The following GALNT1 variants were observed in gnomAD, a reference collection of about 807,000 sequenced individuals.
The protein encoded by GALNT1 is polypeptide N-acetylgalactosaminyltransferase 1, also known as GalNAc transferase 1.
Under a neutral mutation model 65.7 loss-of-function variants are expected in GALNT1, and 17 were observed. That is an observed-to-expected ratio of 0.26 (90% confidence interval 0.18 to 0.39). GALNT1 has a LOEUF of 0.39. Ranked by LOEUF, GALNT1 falls within the 10% of genes least tolerant of loss-of-function variation. GALNT1 has a pLI of 1.00. For synonymous variants in GALNT1, 210 were observed against 219.7 expected (o/e 0.96, Z 0.39); for missense variants, 460 against 672.8 (o/e 0.68, Z 3.50).
intron 11 of GALNT1, among the ~76,000 whole-genome samples, chr18:35,705,058 C>A (rs544196579): frequency 6.6e-6 from 1 of 152,286 alleles, no homozygotes; most frequent in African/African-American, 2.4e-5. Flanking sequence ...TCTCCTTCTT[C>A]GTCCTACTCC....
chr18:35,586,218 CAT>C (rs746188614), intron 1 of GALNT1, among the ~76,000 whole-genome samples: 28 of 152,252 alleles, frequency 1.8e-4, no homozygotes, highest in Non-Finnish European at 3.4e-4. Flanking sequence ...GAACACTTCT[CAT>C]GTGCTTATTT....
At chr18:35,671,080 G>T (rs2047627810) in intron 3 of GALNT1, among the ~76,000 whole-genome samples, 1 of 152,064 alleles carries the variant, frequency 6.6e-6, no homozygotes, top group Non-Finnish European at 1.5e-5. Context: ...TTTGTTTTAG[G>T]TGTATTTGTA....
intron 9 of GALNT1, among the ~76,000 whole-genome samples, chr18:35,702,115 C>A (rs1037219159): frequency 6.6e-6 from 1 of 152,132 alleles, no homozygotes; most frequent in Admixed American, 6.6e-5. Context: ...AATATGCAGA[C>A]TGTATATGTG....
intron 3 of GALNT1, among the ~76,000 whole-genome samples, chr18:35,668,071 A>G (rs1257494289): frequency 6.6e-6 from 1 of 152,214 alleles, no homozygotes; most frequent in Non-Finnish European, 1.5e-5. Flanking sequence ...AGGTGATAAT[A>G]TATACCTTTA....
chr18:35,677,444 C>A, intron 3 of GALNT1, 147 bp from the exon 4 acceptor site: 1 of 479,214 alleles, frequency 2.1e-6, no homozygotes, highest in Non-Finnish European at 3.7e-6. Flanking sequence ...AAACACATAA[C>A]ATTAACCAAG....
intron 8 of GALNT1, 147 bp from the exon 9 acceptor site, chr18:35,692,034 T>C (rs1568033954): frequency 5.0e-6 from 3 of 600,386 alleles, no homozygotes; most frequent in Non-Finnish European, 8.6e-6. Flanking sequence ...ATACTTTTGG[T>C]GGATTCATGG....
intron 1 of GALNT1, among the ~76,000 whole-genome samples, chr18:35,644,318 A>G (rs540347217): frequency 4.7e-4 from 71 of 152,322 alleles, no homozygotes; most frequent in African/African-American, 1.7e-3. Context: ...TTCTTTGGCT[A>G]TCGAATAAGG....
chr18:35,688,666 C>T (rs2047907687), intron 6 of GALNT1, among the ~76,000 whole-genome samples: 1 of 152,204 alleles, frequency 6.6e-6, no homozygotes, highest in East Asian at 1.9e-4. Flanking sequence ...AGGAAAAGAC[C>T]TCACTGTTTC....
intron 8 of GALNT1, among the ~76,000 whole-genome samples, chr18:35,691,599 C>T (rs886730314): frequency 1.4e-4 from 21 of 152,206 alleles, no homozygotes; most frequent in African/African-American, 2.6e-4. Context: ...GGGTCATGAA[C>T]GTTCTCTATA....
intron 1 of GALNT1, among the ~76,000 whole-genome samples, chr18:35,592,260 A>C (rs1366597096): frequency 6.6e-6 from 1 of 152,226 alleles, no homozygotes; most frequent in African/African-American, 2.4e-5. Flanking sequence ...ATGGGAACTA[A>C]ACAGACATAG....
At chr18:35,636,593 G>T (rs559410624) in intron 1 of GALNT1, among the ~76,000 whole-genome samples, 3 of 152,046 alleles carry the variant, frequency 2.0e-5, no homozygotes, top group Admixed American at 6.6e-5. Context: ...TCTTAGATTG[G>T]TGTTTAACAG....
rs143161206 is a variant in GALNT1, at chr18:35,629,198, A to T, written c.-103-25362A>T. ...CCAAGCAAGGCAGGCCAACATTCAG[A>T]TTCAGGAAATACAGAGAACGCCACA... On this transcript the variant is annotated intron_variant, in intron 1 of 11. Coordinates refer to ENST00000269195, the MANE Select transcript of GALNT1 (RefSeq NM_020474.4). Among the ~76,000 whole-genome samples the T allele has an allele frequency of 6.4e-3, 972 of 152,312 alleles. 19 individuals are homozygous for T. Among genetic ancestry groups the T allele is most frequent in the African/African-American group, 0.022 (923 of 41,560 alleles).
At chr18:35,692,409 A>G in intron 9 of GALNT1, 89 bp downstream of exon 9, 1 of 780,234 alleles carries the variant, frequency 1.3e-6, no homozygotes, top group Non-Finnish European at 1.8e-6. Context: ...AACTTCCAAT[A>G]AGGAAAGTAC....
intron 2 of GALNT1, among the ~76,000 whole-genome samples, chr18:35,661,706 C>T (rs2047479881): frequency 6.6e-6 from 1 of 152,054 alleles, no homozygotes; most frequent in South Asian, 2.1e-4. Flanking sequence ...TTTAATGGTG[C>T]ATGCCATGTC....
rs551558783 is a variant in GALNT1, at chr18:35,631,865, T to G, written c.-103-22695T>G. Among the ~76,000 whole-genome samples, 588 of 152,172 alleles carry G rather than the reference T, an allele frequency of 3.9e-3. 6 individuals carry two copies. The highest frequency in any genetic ancestry group is 0.013 in the African/African-American group (554 of 41,530). ...ATAGGCAACTTCAGCAAAGTCTCAG[T>G]ATACAAAATCAATGTGCAAAAATCA... On this transcript the variant is annotated intron_variant, in intron 1 of 11. Transcript: ENST00000269195.
In GALNT1 at chr18:35,710,294, T is replaced by A. The variant is rs1415257972; in HGVS notation, c.*524T>A. On this transcript the variant is annotated 3_prime_UTR_variant, in exon 12 of 12. Coordinates refer to ENST00000269195, the MANE Select transcript of GALNT1 (RefSeq NM_020474.4). ...AACAAAAAAACTATATTAAACAGGG[T>A]TTAAAGGAAATTAAAACAGAACTAT... 1 of 152,976 alleles carries A rather than the reference T, an allele frequency of 6.5e-6. No individual in the cohort carries two copies. Among genetic ancestry groups the A allele is most frequent in the Non-Finnish European group, 1.5e-5 (1 of 68,340 alleles). The allele number at this position is 152,976 out of a possible 1,614,324, so 9.5% of individuals were successfully genotyped here. A position where few individuals can be genotyped will look rare whatever the true frequency, so the allele number is the denominator to read the frequency against.
At chr18:35,607,238 G>A (rs562257478) in intron 1 of GALNT1, among the ~76,000 whole-genome samples, 3 of 152,222 alleles carry the variant, frequency 2.0e-5, no homozygotes, top group Middle Eastern at 3.4e-3. Context: ...GGAAGTGAGG[G>A]TGGAGAAAAA....
In GALNT1 at chr18:35,628,304, G is replaced by A. The variant is rs376733574; in HGVS notation, c.-103-26256G>A. On this transcript the variant is annotated intron_variant, in intron 1 of 11. Coordinates refer to ENST00000269195, the MANE Select transcript of GALNT1 (RefSeq NM_020474.4). ...TCCCTGAACCCCAAGTAGCCTAACTGGGAGGCACCCCCCAGTAGGGGCAGA... is the reference window on the plus strand; with the variant it reads ...TCCCTGAACCCCAAGTAGCCTAACTAGGAGGCACCCCCCAGTAGGGGCAGA... 7.2e-5 allele frequency among the ~76,000 whole-genome samples: 11 copies of A among 152,320 alleles called. No individual in the cohort carries two copies. In the East Asian group the frequency reaches 1.9e-3, roughly 27 times the overall value.
At chr18:35,623,402 G>A (rs902686517) in intron 1 of GALNT1, among the ~76,000 whole-genome samples, 1 of 151,636 alleles carries the variant, frequency 6.6e-6, no homozygotes, top group Non-Finnish European at 1.5e-5. Flanking sequence ...CTGTGGTTGT[G>A]GTTTTCTTTG....
Sources: gnomAD v4.1 joint callset for allele counts (sites outside exome capture counted in the v4.1 genomes callset) on GRCh38, gnomAD v4.1.1 for gene constraint, MANE v1.5 for transcripts, NCBI Gene and HGNC (gene_info 2026-07-23, HGNC 2026-07-21) for gene names.